PTPRK: variants seen among roughly 807,000 people sequenced by gnomAD.
PTPRK encodes the protein protein tyrosine phosphatase receptor type K.
PTPRK carries 75 observed loss-of-function variants against 178.0 expected under a neutral mutation model. That is an observed-to-expected ratio of 0.42 (90% confidence interval 0.35 to 0.51). The LOEUF (loss-of-function observed/expected upper bound fraction) is 0.51. Among genes scored for constraint, PTPRK ranks in the 20% least tolerant of loss-of-function variants. The probability of loss-of-function intolerance (pLI) is 0.02; values close to 1 mark genes in which losing one functional copy is unlikely to be tolerated. For missense variants in PTPRK, 1,441 were observed against 1,797.8 expected (o/e 0.80, Z 3.59); for synonymous variants, 637 against 620.6 (o/e 1.03, Z -0.39).
At chr6:128,091,244 A>G (rs1786890643) in intron 7 of PTPRK, among the ~76,000 whole-genome samples, 1 of 152,052 alleles carries the variant, frequency 6.6e-6, no homozygotes, top group Non-Finnish European at 1.5e-5. Flanking sequence ...CAGCATCCAG[A>G]CTCCCAACTT....
At chr6:128,387,946 C>G (rs1223812736) in intron 2 of PTPRK, among the ~76,000 whole-genome samples, 1 of 149,982 alleles carries the variant, frequency 6.7e-6, no homozygotes, top group African/African-American at 2.5e-5. Context: ...AGCTGATGAG[C>G]TTACAAAAAA....
In PTPRK at chr6:128,452,170, C is replaced by A. The variant is rs147356496; in HGVS notation, c.101-54482G>T. ...CAAATGCTTCTTACAGTTCTAGTGC[C>A]ACCTTTCATCTCTGCTTATCTTATT... On this transcript the variant is annotated intron_variant, in intron 1 of 29. Coordinates refer to ENST00000368226, the MANE Select transcript of PTPRK (RefSeq NM_002844.4). Among the ~76,000 whole-genome samples, 244 of 152,264 alleles carry A rather than the reference C, an allele frequency of 1.6e-3. 1 individual carries two copies. The highest frequency in any genetic ancestry group is 5.6e-3 in the African/African-American group (234 of 41,572).
At chr6:128,020,171 T>A (rs1438575858) in intron 13 of PTPRK, among the ~76,000 whole-genome samples, 1 of 152,058 alleles carries the variant, frequency 6.6e-6, no homozygotes, top group Non-Finnish European at 1.5e-5. Flanking sequence ...GGAGTGTAAA[T>A]CACAAGAAAC....
chr6:128,295,882 G>A (rs1824259412), intron 3 of PTPRK, among the ~76,000 whole-genome samples: 1 of 152,054 alleles, frequency 6.6e-6, no homozygotes, highest in Non-Finnish European at 1.5e-5. Context: ...AGGCTACACT[G>A]TAACTTTTAT....
intron 2 of PTPRK, 57 bp from the exon 3 acceptor site, chr6:128,322,367 T>A: frequency 1.4e-6 from 2 of 1,453,822 alleles, no homozygotes; most frequent in Non-Finnish European, 1.9e-6. Flanking sequence ...AGGGAACATA[T>A]AACAATAAAA....
intron 2 of PTPRK, among the ~76,000 whole-genome samples, chr6:128,390,795 C>T (rs1444349817): frequency 6.6e-6 from 1 of 152,100 alleles, no homozygotes. Flanking sequence ...TTATAAGGCT[C>T]TTGTGAAGAT....
chr6:128,127,812 C>G (rs1793625628), intron 7 of PTPRK, among the ~76,000 whole-genome samples: 2 of 152,150 alleles, frequency 1.3e-5, no homozygotes, highest in South Asian at 4.1e-4. Context: ...AACTCTTTGC[C>G]TGGTAAGCAT....
chr6:128,395,477 C>A (rs897918625), intron 2 of PTPRK, among the ~76,000 whole-genome samples: 1 of 152,162 alleles, frequency 6.6e-6, no homozygotes, highest in Non-Finnish European at 1.5e-5. Flanking sequence ...TACCCACCAT[C>A]AATGGTAATT....
At chr6:128,427,359 A>C (rs1053719140) in intron 1 of PTPRK, among the ~76,000 whole-genome samples, 2 of 152,164 alleles carry the variant, frequency 1.3e-5, no homozygotes, top group Non-Finnish European at 2.9e-5. Flanking sequence ...ACTCTAAGCC[A>C]CACCACTCCC....
chr6:128,037,725 C>T (rs1003782311), intron 13 of PTPRK, among the ~76,000 whole-genome samples: 2 of 152,018 alleles, frequency 1.3e-5, no homozygotes, highest in South Asian at 4.1e-4. Flanking sequence ...CTCATGACAA[C>T]AGATCAGGGA....
In PTPRK at chr6:128,347,967, T is replaced by C. The variant is rs564652620; in HGVS notation, c.224-25657A>G. Among the ~76,000 whole-genome samples the C allele has an allele frequency of 6.6e-5, 10 of 152,128 alleles. No homozygotes were observed. The East Asian group carries it at 1.9e-3, about 29-fold the overall frequency. On this transcript the variant is annotated intron_variant, in intron 2 of 29. Transcript: ENST00000368226. ...TCTTGAAATCTTGCTTTATCAGAAA[T>C]ACAATACCTATGGGAATTAGACTAT...
At chr6:128,355,872 A>G (rs1412714484) in intron 2 of PTPRK, among the ~76,000 whole-genome samples, 2 of 152,200 alleles carry the variant, frequency 1.3e-5, no homozygotes, top group Non-Finnish European at 2.9e-5. Flanking sequence ...ACACATAAAC[A>G]TATTTTCTAC....
intron 3 of PTPRK, among the ~76,000 whole-genome samples, chr6:128,287,737 C>T (rs774587752): frequency 3.9e-5 from 6 of 152,188 alleles, no homozygotes; most frequent in African/African-American, 7.2e-5. Flanking sequence ...GATGAGCTGA[C>T]GTTAGCTGTT....
intron 1 of PTPRK, 144 bp from the exon 2 acceptor site, chr6:128,397,832 C>G: frequency 1.2e-6 from 1 of 802,200 alleles, no homozygotes; most frequent in Non-Finnish European, 1.8e-6. Flanking sequence ...TCACTATTCT[C>G]TTTAAATTTT....
At chr6:128,371,131 C>T (rs932982657) in intron 2 of PTPRK, among the ~76,000 whole-genome samples, 2 of 152,184 alleles carry the variant, frequency 1.3e-5, no homozygotes, top group South Asian at 2.1e-4. Flanking sequence ...CTCTTCCACT[C>T]TCACCACCCA....
intron 1 of PTPRK, among the ~76,000 whole-genome samples, chr6:128,430,903 A>T (rs1844753067): frequency 6.6e-6 from 1 of 151,774 alleles, no homozygotes; most frequent in African/African-American, 2.4e-5. Context: ...CATTTAAAGA[A>T]ATCTTTATTA....
chr6:128,226,000 A>G (rs1811227902), intron 5 of PTPRK, among the ~76,000 whole-genome samples: 1 of 152,206 alleles, frequency 6.6e-6, no homozygotes, highest in Non-Finnish European at 1.5e-5. Context: ...CTATTCAACA[A>G]GAAAAAGAGT....
At position 128,127,773 on chromosome 6, in the gene PTPRK, A is replaced by G. The variant is rs114594073; in HGVS notation, c.1163-37781T>C. Among the ~76,000 whole-genome samples the G allele has an allele frequency of 4.7e-3, 715 of 152,344 alleles. 3 individuals carry two copies. The highest frequency in any genetic ancestry group is 0.017 in the African/African-American group (689 of 41,568). Reference sequence around the variant, plus strand: ...GATTACTTCAAAATATTATCTTTCAATAATGATTGGTGTACTCCATCTAAA... The same window carrying G: ...GATTACTTCAAAATATTATCTTTCAGTAATGATTGGTGTACTCCATCTAAA... On this transcript the variant is annotated intron_variant, in intron 7 of 29. Transcript: ENST00000368226.
chr6:128,064,741 A>G lies in PTPRK; in HGVS notation c.2194+17T>C. 1 of 1,584,090 alleles carries G rather than the reference A, an allele frequency of 6.3e-7. No individual in the cohort carries two copies. The highest frequency in any genetic ancestry group is 8.5e-7 in the Non-Finnish European group (1 of 1,171,862). ...GGTGAGAGTAGTTAAAACAAGCAAA[A>G]AAAGCAAACCTCTTACCTTTTGTAG... On this transcript the variant is annotated intron_variant, in intron 13 of 29. Coordinates refer to ENST00000368226, the MANE Select transcript of PTPRK (RefSeq NM_002844.4).
Sources: allele counts gnomAD v4.1 joint callset (sites outside exome capture counted in the v4.1 genomes callset), GRCh38; gene constraint gnomAD v4.1.1; transcripts MANE v1.5; gene names NCBI Gene and HGNC (gene_info 2026-07-23, HGNC 2026-07-21).